RRM2: variants seen among roughly 807,000 people sequenced by gnomAD.
RRM2 encodes the protein ribonucleotide reductase regulatory subunit M2, also known as ribonucleoside-diphosphate reductase subunit M2.
A neutral mutation model predicts 45.9 loss-of-function variants in RRM2; 6 were observed. The observed-to-expected ratio is 0.13, with a 90% CI of 0.07 to 0.26. RRM2 has a LOEUF of 0.26. Among genes scored for constraint, RRM2 ranks in the 10% least tolerant of loss-of-function variants. The probability of loss-of-function intolerance (pLI) is 1.00; values close to 1 mark genes in which losing one functional copy is unlikely to be tolerated. For missense variants in RRM2, 343 were observed against 489.5 expected (o/e 0.70, Z 2.82); for synonymous variants, 177 against 173.0 (o/e 1.02, Z -0.18).
At chr2:10,143,114 CT>C (rs992146015) in intron 3 of RRM2, among the ~76,000 whole-genome samples, 2 of 152,220 alleles carry the variant, frequency 1.3e-5, no homozygotes, top group African/African-American at 4.8e-5. Flanking sequence ...ACCTCGTGAT[CT>C]GCCTGCCTTG....
Position 10,169,798 on chromosome 2 carries a change from A to T in RRM2, n.482+27423A>T, listed in dbSNP as rs535552061. On this transcript the variant is annotated intron_variant and non_coding_transcript_variant, in intron 3 of 3. Transcript: ENST00000381786. This position sits in a 1 kb window ranked among gnomAD's most constrained non-coding sequence, Gnocchi z 5.1. ...GAGCAGGAGGCTGAGGCCAGGGGGG[A>T]TGGCAGCCCCCGGGGATCTGAGGAA... Among the ~76,000 whole-genome samples, 1 of 151,956 alleles carries T rather than the reference A, an allele frequency of 6.6e-6. No individual in the cohort carries two copies. The highest frequency in any genetic ancestry group is 1.5e-5 in the Non-Finnish European group (1 of 67,980).
intron 3 of RRM2, among the ~76,000 whole-genome samples, chr2:10,181,590 G>A (rs1426188709): frequency 6.6e-5 from 10 of 151,792 alleles, no homozygotes; most frequent in Admixed American, 6.6e-4. Context: ...AGCATTTCAG[G>A]CTAGAAATTT....
intron 5 of RRM2, among the ~76,000 whole-genome samples, chr2:10,125,413 G>A (rs1213347048): frequency 6.6e-6 from 1 of 152,148 alleles, no homozygotes; most frequent in Non-Finnish European, 1.5e-5. Flanking sequence ...AGATACAAAG[G>A]TCAGCTTTAG....
intron 3 of RRM2, among the ~76,000 whole-genome samples, chr2:10,145,067 C>T (rs1663161282): frequency 6.6e-6 from 1 of 152,024 alleles, no homozygotes; most frequent in Admixed American, 6.6e-5. Context: ...AGAGTGGAAG[C>T]TGCGGGAGGG....
At chr2:10,183,481 C>T (rs1664102292) in intron 3 of RRM2, among the ~76,000 whole-genome samples, 1 of 152,220 alleles carries the variant, frequency 6.6e-6, no homozygotes, top group African/African-American at 2.4e-5. Context: ...GCTGCCTGCC[C>T]CTCCATGGCA....
chr2:10,188,875 G>A (rs1664224528), intron 3 of RRM2, among the ~76,000 whole-genome samples: 1 of 152,168 alleles, frequency 6.6e-6, no homozygotes, highest in Non-Finnish European at 1.5e-5. Context: ...TGTCTGAGAA[G>A]TCAGAAGTCA....
At chr2:10,154,226 C>A (rs940856616) in intron 3 of RRM2, among the ~76,000 whole-genome samples, 1 of 152,168 alleles carries the variant, frequency 6.6e-6, no homozygotes, top group African/African-American at 2.4e-5. Flanking sequence ...GTAATCCCAG[C>A]ACTTTGGGAG....
Position 10,195,891 on chromosome 2 carries a change from C to A in RRM2, n.483-14420C>A, listed in dbSNP as rs986377102. 6.6e-6 allele frequency among the ~76,000 whole-genome samples: 1 copy of A among 152,196 alleles called. No homozygotes were observed. Among genetic ancestry groups the A allele is most frequent in the South Asian group, 2.1e-4 (1 of 4,828 alleles). ...CCTGCTTGGACAAGACAGAGACTCACACGAGGAAATTCCTTTTGTTCCTAC... is the reference window on the plus strand; with the variant it reads ...CCTGCTTGGACAAGACAGAGACTCAAACGAGGAAATTCCTTTTGTTCCTAC... On this transcript the variant is annotated intron_variant and non_coding_transcript_variant, in intron 3 of 3. Transcript: ENST00000381786. The surrounding 1 kb of genome is among the most constrained non-coding windows in gnomAD (Gnocchi z 4.9).
intron 3 of RRM2, among the ~76,000 whole-genome samples, chr2:10,157,097 C>T (rs575840570): frequency 6.8e-5 from 9 of 131,682 alleles, no homozygotes; most frequent in South Asian, 2.4e-4. Flanking sequence ...GGCGCAATCT[C>T]GGCTCACTGC....
chr2:10,138,355 C>CG (rs1663026748), upstream of RRM2, among the ~76,000 whole-genome samples: 1 of 152,016 alleles, frequency 6.6e-6, no homozygotes, highest in Non-Finnish European at 1.5e-5. Flanking sequence ...TTAGTAGAGA[C>CG]GGGGTTTCTG....
intron 3 of RRM2, among the ~76,000 whole-genome samples, chr2:10,201,942 A>C (rs1342587575): frequency 6.6e-6 from 1 of 152,240 alleles, no homozygotes; most frequent in Non-Finnish European, 1.5e-5. Context: ...GTTAAACCGA[A>C]TTAATAAATC....
intron 3 of RRM2, chr2:10,192,538 G>T: frequency 6.5e-6 from 1 of 154,776 alleles, no homozygotes; most frequent in Non-Finnish European, 1.5e-5. Flanking sequence ...ATCCCCTGGT[G>T]TGAGAGCAGT....
intron 3 of RRM2, chr2:10,198,613 C>A (rs1200790296): frequency 2.6e-5 from 4 of 151,890 alleles, no homozygotes; most frequent in Non-Finnish European, 5.9e-5. Flanking sequence ...TGCATGTTGG[C>A]CAGGCTGGTC....
In RRM2 at chr2:10,196,010, G is replaced by A. The variant is rs529160127; in HGVS notation, n.483-14301G>A. On this transcript the variant is annotated intron_variant and non_coding_transcript_variant, in intron 3 of 3. Transcript: ENST00000381786. ...CCAGCAGGGCAAGGCAGAGCCGGCCGCCCAGGGACCTGCCACTGTGGGGTG... is the reference window on the plus strand; with the variant it reads ...CCAGCAGGGCAAGGCAGAGCCGGCCACCCAGGGACCTGCCACTGTGGGGTG... Among the ~76,000 whole-genome samples, 233 of 152,316 alleles carry A rather than the reference G, an allele frequency of 1.5e-3. 1 individual carries two copies. The highest frequency in any genetic ancestry group is 5.3e-3 in the African/African-American group (221 of 41,586).
At chr2:10,177,101 C>T (rs1035633961) in intron 3 of RRM2, among the ~76,000 whole-genome samples, 5 of 152,082 alleles carry the variant, frequency 3.3e-5, no homozygotes, top group Admixed American at 6.5e-5. Flanking sequence ...CAAAAATTAG[C>T]TGGGCGTGAT....
At chr2:10,158,260 A>T (rs1663476347) in intron 3 of RRM2, among the ~76,000 whole-genome samples, 1 of 152,154 alleles carries the variant, frequency 6.6e-6, no homozygotes, top group South Asian at 2.1e-4. Flanking sequence ...TGAGTGGGTG[A>T]GGGGGTGATA....
intron 3 of RRM2, among the ~76,000 whole-genome samples, chr2:10,173,918 G>T (rs549888826): frequency 6.6e-6 from 1 of 152,214 alleles, no homozygotes; most frequent in Non-Finnish European, 1.5e-5. Flanking sequence ...GGTGTGCTCC[G>T]TGGGGGGCGT....
intron 3 of RRM2, among the ~76,000 whole-genome samples, chr2:10,157,179 C>T (rs1021966531): frequency 6.6e-6 from 1 of 152,058 alleles, no homozygotes; most frequent in Non-Finnish European, 1.5e-5. Flanking sequence ...CAGGCGCCCG[C>T]CACCGCGCCC....
At chr2:10,182,323 A>G (rs55728000) in intron 3 of RRM2, among the ~76,000 whole-genome samples, 40,507 of 151,746 alleles carry the variant, frequency 0.27, 6,294 homozygotes, top group Non-Finnish European at 0.36. Context: ...AGCAGCCTGG[A>G]CGACAGAGGA....
Sources: allele counts gnomAD v4.1 joint callset (sites outside exome capture counted in the v4.1 genomes callset), GRCh38; gene constraint gnomAD v4.1.1; non-coding constraint Gnocchi (gnomAD v3.1); transcripts MANE v1.5; gene names NCBI Gene and HGNC (gene_info 2026-07-23, HGNC 2026-07-21).